Variants in MEP1A observed in about 807,000 individuals in gnomAD.
MEP1A encodes the protein N-benzoyl-L-tyrosyl-P-amino-benzoic acid hydrolase subunit alpha.
A neutral mutation model predicts 84.5 loss-of-function variants in MEP1A; 68 were observed. The ratio of observed to expected loss-of-function variants is 0.80; its 90% CI spans 0.66 to 0.98. MEP1A has a LOEUF of 0.98. MEP1A is among the 50% of genes least tolerant of loss of function. MEP1A has a pLI of 0.00. For synonymous variants in MEP1A, 337 were observed against 336.8 expected, an observed-to-expected ratio of 1.00 and a Z score of -0.01; for missense variants, 887 against 919.9, an observed-to-expected ratio of 0.96 and a Z score of 0.46.
Position 46,809,505 on chromosome 6 carries a change from G to A in MEP1A, c.348G>A (p.Glu116=), listed in dbSNP as rs553944329. The change falls in exon 6 of 14, where the codon GAG becomes GAA. Residue 116 remains glutamate (E), a synonymous_variant. Transcript: ENST00000230588. Reference sequence around the variant, plus strand: ...TGGATTTCAAGCCCTATGAAGGAGAGAGCTCATATATCATATTTCAACAGT... The same window carrying A: ...TGGATTTCAAGCCCTATGAAGGAGAAAGCTCATATATCATATTTCAACAGT... The part of the protein sequence containing the change: ...SCVDFKPYEG[E]SSYIIFQQFD... 247 of 1,608,720 alleles carry A rather than the reference G, an allele frequency of 1.5e-4. No individual in the cohort carries two copies. The highest frequency in any genetic ancestry group is 2.0e-4 in the Non-Finnish European group (241 of 1,176,780).
intron 5 of MEP1A, among the ~76,000 whole-genome samples, chr6:46,807,577 G>T (rs9689519): frequency 2.8e-5 from 1 of 35,594 alleles, no homozygotes; most frequent in African/African-American, 1.4e-4. Flanking sequence ...AGGAAGGAAG[G>T]AAGGAAGGAA....
downstream of MEP1A, among the ~76,000 whole-genome samples, chr6:46,841,622 G>T (rs188630377): frequency 6.6e-6 from 1 of 152,290 alleles, no homozygotes; most frequent in East Asian, 1.9e-4. Flanking sequence ...CTTACATAGT[G>T]GGAATAAGTC....
rs1009905417 is a variant in MEP1A, at chr6:46,833,619, T to G, written c.1609+81T>G. 10 of 1,013,628 alleles carry G rather than the reference T, an allele frequency of 9.9e-6. No individual in the cohort carries two copies. In the African/African-American group the frequency reaches 1.6e-4, roughly 16 times the overall value. 62.8% of individuals were successfully genotyped at this position (1,013,628 alleles called of 1,614,324 possible). On this transcript the variant is annotated intron_variant, in intron 11 of 13. Transcript: ENST00000230588. ...TGTGATTCTGTGGTGCAAGAAAGAG[T>G]AACGTTCTCCTCACATTGTCTGTTT...
At chr6:46,819,355 A>G (rs543514350) in intron 6 of MEP1A, among the ~76,000 whole-genome samples, 174 bp from the exon 7 acceptor site, 12 of 152,310 alleles carry the variant, frequency 7.9e-5, no homozygotes, top group Non-Finnish European at 1.2e-4. Flanking sequence ...CCTCTAGGGA[A>G]TGCTCCTTCT....
intron 5 of MEP1A, among the ~76,000 whole-genome samples, chr6:46,807,233 G>A (rs1321440383): frequency 6.6e-6 from 1 of 151,878 alleles, no homozygotes; most frequent in Non-Finnish European, 1.5e-5. Flanking sequence ...TTAAAGGAAT[G>A]CTAGTGGTTT....
chr6:46,810,192 T>C (rs1046442958), intron 6 of MEP1A, among the ~76,000 whole-genome samples: 10 of 152,174 alleles, frequency 6.6e-5, no homozygotes, highest in Non-Finnish European at 1.5e-4. Flanking sequence ...CATTATAGTT[T>C]TGATTTGTGT....
rs866925138 is a variant in MEP1A, at chr6:46,835,469, G to A, written c.2004G>A (p.Gln668=). ...CCCTGGAGGACCATAACTGGCCACA[G>A]TACTTCAGAGACCCATGTGACCCAA... is the stretch of plus-strand genomic sequence containing the variant. ...TGPLEDHNWP[Q]YFRDPCDPNP... is the part of the protein sequence containing the mutation. Residue 668 remains glutamine, a synonymous_variant, in exon 13 of 14, where the codon CAG becomes CAA. Transcript: ENST00000230588. The A allele has an allele frequency of 1.5e-5, 25 of 1,613,118 alleles. No individual in the cohort carries two copies. The East Asian group carries it at 5.6e-4, about 36-fold the overall frequency.
chr6:46,839,213 TTTTA>T lies in MEP1A; in HGVS notation c.*79_*82del. The T allele has an allele frequency of 8.2e-4, 891 of 1,088,888 alleles. No individual in the cohort carries two copies. Among genetic ancestry groups the T allele is most frequent in the Non-Finnish European group, 1.0e-3 (791 of 756,276 alleles). 67.5% of individuals were successfully genotyped at this position (1,088,888 alleles called of 1,614,324 possible). A position where few individuals can be genotyped will look rare whatever the true frequency, so the allele number is the denominator to read the frequency against. ...TTAACTTTCCCATGGTCAATGCAGT[TTTTA>T]TCAGCCTTGCTTTGGATAGGACCTC... On this transcript the variant is annotated 3_prime_UTR_variant, in exon 14 of 14. Coordinates refer to ENST00000230588, the MANE Select transcript of MEP1A (RefSeq NM_005588.3).
chr6:46,829,329 T>A, intron 9 of MEP1A, 27 bp from the exon 10 acceptor site: 1 of 1,600,346 alleles, frequency 6.2e-7, no homozygotes, highest in Non-Finnish European at 8.6e-7. Context: ...AAGCCAGACG[T>A]GTGATGTTTG....
chr6:46,827,546 C>T (rs1200742818), intron 9 of MEP1A, among the ~76,000 whole-genome samples: 4 of 152,126 alleles, frequency 2.6e-5, no homozygotes, highest in Admixed American at 6.6e-5. Flanking sequence ...TCACTTAGTC[C>T]GTAACTGTCT....
chr6:46,826,140 T>C (rs1397894155), intron 8 of MEP1A, among the ~76,000 whole-genome samples: 1 of 152,208 alleles, frequency 6.6e-6, no homozygotes, highest in East Asian at 1.9e-4. Context: ...TATAGTTTTT[T>C]TTATCTTGAC....
downstream of MEP1A, among the ~76,000 whole-genome samples, chr6:46,842,916 G>T (rs1768358997): frequency 6.6e-6 from 1 of 152,164 alleles, no homozygotes; most frequent in South Asian, 2.1e-4. Flanking sequence ...AAATATTGGG[G>T]TCTAGTTCCC....
At chr6:46,814,880 G>C (rs1197938203) in intron 6 of MEP1A, among the ~76,000 whole-genome samples, 3 of 147,934 alleles carry the variant, frequency 2.0e-5, no homozygotes, top group Non-Finnish European at 4.5e-5. Context: ...AGTACAAAGA[G>C]TCTGGTGATG....
intron 6 of MEP1A, among the ~76,000 whole-genome samples, chr6:46,814,203 G>A (rs530845888): frequency 2.6e-5 from 4 of 152,258 alleles, no homozygotes; most frequent in South Asian, 2.1e-4. Flanking sequence ...AGGTTTGGAT[G>A]TTTAACATAG....
Position 46,834,563 on chromosome 6 carries a change from C to T in MEP1A, c.1610-15C>T. 1.3e-6 allele frequency: 2 copies of T among 1,578,192 alleles called. No individual in the cohort carries two copies. Among genetic ancestry groups the T allele is most frequent in the Non-Finnish European group, 1.7e-6 (2 of 1,159,406 alleles). ...AAAGAGGTAATGTGATTTTATGTTA[C>T]CTACAACTTTGCAGCGATAAATGAC... On this transcript the variant is annotated splice_polypyrimidine_tract_variant and intron_variant, in intron 11 of 13. Coordinates refer to ENST00000230588, the MANE Select transcript of MEP1A (RefSeq NM_005588.3).
rs535699130 is a variant in MEP1A, at chr6:46,812,092, A to C, written c.380+2555A>C. Among the ~76,000 whole-genome samples, 23 of 152,090 alleles carry C rather than the reference A, an allele frequency of 1.5e-4. No homozygotes were observed. The South Asian group carries it at 4.6e-3, about 30-fold the overall frequency. ...TCTTGTATAATTCATCTCTGAATCC[A>C]TCTGGTCCTGGACTTTTTTTTGTTG... is the stretch of plus-strand genomic sequence containing the variant. On this transcript the variant is annotated intron_variant, in intron 6 of 13. Coordinates refer to ENST00000230588, the MANE Select transcript of MEP1A (RefSeq NM_005588.3).
At chr6:46,835,101 G>A in intron 12 of MEP1A, 148 bp from the exon 13 acceptor site, 1 of 694,688 alleles carries the variant, frequency 1.4e-6, no homozygotes. Context: ...CTAATACTGT[G>A]GGAATCAGCT....
At chr6:46,836,070 G>A (rs1019204000) in intron 13 of MEP1A, among the ~76,000 whole-genome samples, 11 of 152,234 alleles carry the variant, frequency 7.2e-5, no homozygotes, top group African/African-American at 2.2e-4. Context: ...CATCTTACAC[G>A]CATGATCTAA....
rs1294085522 is a variant in MEP1A, at chr6:46,833,551, A to G, written c.1609+13A>G. 7 of 1,602,924 alleles carry G rather than the reference A, an allele frequency of 4.4e-6. No individual in the cohort carries two copies. Among genetic ancestry groups the G allele is most frequent in the Non-Finnish European group, 6.0e-6 (7 of 1,170,896 alleles). ...CACACATCTCCAGGTGGGTGGTGTCAGCGCAAATAAGAACTGCCCCTTGAA... is the reference window on the plus strand; with the variant it reads ...CACACATCTCCAGGTGGGTGGTGTCGGCGCAAATAAGAACTGCCCCTTGAA... On this transcript the variant is annotated intron_variant, in intron 11 of 13. Transcript: ENST00000230588.
Sources: allele counts gnomAD v4.1 joint callset (sites outside exome capture counted in the v4.1 genomes callset), GRCh38; gene constraint gnomAD v4.1.1; transcripts MANE v1.5; gene names NCBI Gene and HGNC (gene_info 2026-07-23, HGNC 2026-07-21).